The following NUBPL variants were observed in gnomAD, a reference collection of about 807,000 sequenced individuals.
NUBPL encodes NUBP iron-sulfur cluster assembly factor, mitochondrial.
In NUBPL, 31 loss-of-function variants were observed where a neutral mutation model predicts 45.7. The observed-to-expected ratio is 0.68, with a 90% CI of 0.51 to 0.92. NUBPL has a LOEUF of 0.92. Among genes scored for constraint, NUBPL ranks in the 40% least tolerant of loss-of-function variants. The probability of loss-of-function intolerance (pLI) is 0.00; values close to 1 mark genes in which losing one functional copy is unlikely to be tolerated. For missense variants in NUBPL, 401 were observed against 398.7 expected (o/e 1.01, Z -0.05); for synonymous variants, 144 against 140.9 (o/e 1.02, Z -0.15).
At chr14:31,638,609 G>A (rs899195682) in intron 4 of NUBPL, among the ~76,000 whole-genome samples, 1 of 152,072 alleles carries the variant, frequency 6.6e-6, no homozygotes, top group African/African-American at 2.4e-5. Context: ...GGCGTTCTCT[G>A]TATTTCCTGA....
chr14:31,684,561 T>C (rs548045684), intron 6 of NUBPL, among the ~76,000 whole-genome samples: 1 of 152,056 alleles, frequency 6.6e-6, no homozygotes, highest in African/African-American at 2.4e-5. Context: ...GTGGTTCATG[T>C]TGTTAAGGAG....
intron 7 of NUBPL, among the ~76,000 whole-genome samples, chr14:31,804,729 C>T (rs10047861): frequency 0.12 from 18,980 of 152,060 alleles, 3,222 homozygotes; most frequent in African/African-American, 0.39. Context: ...AACTGGCTAT[C>T]CATAAGCAGA....
At chr14:31,814,756 G>C (rs940901067) in intron 7 of NUBPL, among the ~76,000 whole-genome samples, 11 of 152,088 alleles carry the variant, frequency 7.2e-5, no homozygotes, top group Admixed American at 6.6e-4. Context: ...TCTGCATATG[G>C]CTAGCCAGTT....
intron 4 of NUBPL, among the ~76,000 whole-genome samples, chr14:31,602,445 C>G (rs1053608906): frequency 6.7e-6 from 1 of 149,528 alleles, no homozygotes; most frequent in African/African-American, 2.5e-5. Flanking sequence ...TTTGAGGAAT[C>G]ATTTCTATAA....
rs147882794 is a variant in NUBPL at position 31,830,625 on chromosome 14, A to G, written c.693+3911A>G. 1.8e-3 allele frequency among the ~76,000 whole-genome samples: 280 copies of G among 152,296 alleles called. 1 individual carries two copies. Among genetic ancestry groups the G allele is most frequent in the African/African-American group, 6.4e-3 (264 of 41,558 alleles). ...ATACTCCTGTCTCAGATCTACTTAC[A>G]CATATATTTAGTTTGGTTCTTATTC... On this transcript the variant is annotated intron_variant, in intron 8 of 10. Transcript: ENST00000281081.
intron 7 of NUBPL, among the ~76,000 whole-genome samples, chr14:31,800,237 G>T (rs1239971304): frequency 6.6e-6 from 1 of 152,156 alleles, no homozygotes; most frequent in African/African-American, 2.4e-5. Context: ...AAAGTCATCT[G>T]TGAGGGCTGG....
chr14:31,719,042 G>T (rs2037750481), intron 6 of NUBPL, among the ~76,000 whole-genome samples: 1 of 152,128 alleles, frequency 6.6e-6, no homozygotes. Flanking sequence ...TCACAGCTTA[G>T]CCTGGCCCAC....
chr14:31,685,508 C>CT (rs879530035), intron 6 of NUBPL, among the ~76,000 whole-genome samples: 122 of 150,512 alleles, frequency 8.1e-4, no homozygotes, highest in Non-Finnish European at 1.4e-3. Flanking sequence ...AAATTAAAGC[C>CT]TTTTTTTTTC....
At chr14:31,811,183 A>G (rs1267889414) in intron 7 of NUBPL, among the ~76,000 whole-genome samples, 1 of 152,170 alleles carries the variant, frequency 6.6e-6, no homozygotes, top group African/African-American at 2.4e-5. Flanking sequence ...GGGCTGGGGA[A>G]GTTCTCCTGG....
At chr14:31,804,039 A>C (rs1196374291) in intron 7 of NUBPL, among the ~76,000 whole-genome samples, 1 of 152,128 alleles carries the variant, frequency 6.6e-6, no homozygotes, top group Non-Finnish European at 1.5e-5. Flanking sequence ...GATTACAGGG[A>C]TGCACCACCA....
intron 4 of NUBPL, among the ~76,000 whole-genome samples, chr14:31,619,750 C>T (rs902651780): frequency 4.6e-5 from 7 of 152,052 alleles, no homozygotes; most frequent in Admixed American, 4.6e-4. Context: ...GTGAATCCTA[C>T]GATTATGTGC....
chr14:31,563,495 A>G (rs963117647), intron 2 of NUBPL, among the ~76,000 whole-genome samples: 3 of 152,198 alleles, frequency 2.0e-5, no homozygotes, highest in Non-Finnish European at 4.4e-5. Flanking sequence ...ACATTATACC[A>G]TCTGTCCCGA....
At chr14:31,798,042 T>C (rs9743875) in intron 7 of NUBPL, among the ~76,000 whole-genome samples, 1 of 148,372 alleles carries the variant, frequency 6.7e-6, no homozygotes, top group South Asian at 2.1e-4. Flanking sequence ...TTCTTTTCTT[T>C]AAGAATGTTG....
intron 6 of NUBPL, among the ~76,000 whole-genome samples, chr14:31,719,675 A>G (rs1300489985): frequency 6.6e-6 from 1 of 152,132 alleles, no homozygotes; most frequent in Non-Finnish European, 1.5e-5. Flanking sequence ...TATTTTTGTA[A>G]ATAAAAAAGT....
chr14:31,633,679 A>C (rs1159927423), intron 4 of NUBPL, among the ~76,000 whole-genome samples: 3 of 152,186 alleles, frequency 2.0e-5, no homozygotes, highest in African/African-American at 7.2e-5. Flanking sequence ...TTGTTGTTCC[A>C]TGACAGCTCT....
At chr14:31,633,460 A>T (rs1400815724) in intron 4 of NUBPL, among the ~76,000 whole-genome samples, 1 of 152,204 alleles carries the variant, frequency 6.6e-6, no homozygotes, top group Non-Finnish European at 1.5e-5. Context: ...TATTTTACTG[A>T]TGAGATTTAG....
intron 7 of NUBPL, among the ~76,000 whole-genome samples, chr14:31,818,291 C>T (rs2039957556): frequency 6.6e-6 from 1 of 152,080 alleles, no homozygotes. Flanking sequence ...TTGAACTCAG[C>T]CTGGACCAAG....
At chr14:31,706,326 G>T (rs992764720) in intron 6 of NUBPL, among the ~76,000 whole-genome samples, 2 of 152,206 alleles carry the variant, frequency 1.3e-5, no homozygotes, top group African/African-American at 4.8e-5. Context: ...GTCCTCGGTA[G>T]AAGTTGTTAG....
At chr14:31,729,313 T>C (rs913103783) in intron 6 of NUBPL, among the ~76,000 whole-genome samples, 19 of 122,322 alleles carry the variant, frequency 1.6e-4, no homozygotes, top group Admixed American at 8.7e-4. Flanking sequence ...TCAACAAATA[T>C]GTATATCTTA....
Sources: gnomAD v4.1 joint callset for allele counts (sites outside exome capture counted in the v4.1 genomes callset) on GRCh38, gnomAD v4.1.1 for gene constraint, MANE v1.5 for transcripts, NCBI Gene and HGNC (gene_info 2026-07-23, HGNC 2026-07-21) for gene names.